HS3ST5: variants seen among roughly 807,000 people sequenced by gnomAD.
The protein encoded by HS3ST5 is heparan sulfate-glucosamine 3-sulfotransferase 5.
Under a neutral mutation model 25.4 loss-of-function variants are expected in HS3ST5, and 10 were observed. The ratio of observed to expected loss-of-function variants is 0.39; its 90% CI spans 0.24 to 0.67. HS3ST5 has a LOEUF of 0.67. Among genes scored for constraint, HS3ST5 ranks in the 30% least tolerant of loss-of-function variants. The probability of loss-of-function intolerance (pLI) is 0.44; values close to 1 mark genes in which losing one functional copy is unlikely to be tolerated. For missense variants in HS3ST5, 324 were observed against 420.7 expected, an observed-to-expected ratio of 0.77 and a Z score of 2.01; for synonymous variants, 170 against 162.4, an observed-to-expected ratio of 1.05 and a Z score of -0.36.
At chr6:114,107,549 A>G (rs1776053826) in intron 3 of HS3ST5, among the ~76,000 whole-genome samples, 1 of 152,236 alleles carries the variant, frequency 6.6e-6, no homozygotes, top group South Asian at 2.1e-4. Flanking sequence ...GGCAAGAAAA[A>G]GAAAAGACAG....
chr6:114,258,443 CA>C (rs1294477705), intron 1 of HS3ST5, among the ~76,000 whole-genome samples: 1 of 152,194 alleles, frequency 6.6e-6, no homozygotes, highest in East Asian at 1.9e-4. Flanking sequence ...AGCATAGTGA[CA>C]AACACTAGCA....
intron 1 of HS3ST5, among the ~76,000 whole-genome samples, chr6:114,270,216 C>A (rs143414656): frequency 2.2e-3 from 335 of 152,172 alleles, no homozygotes; most frequent in Non-Finnish European, 3.1e-3. Flanking sequence ...AGGCAGACTG[C>A]CAATTTTGCT....
At chr6:114,308,728 C>T (rs1775407084) in intron 1 of HS3ST5, among the ~76,000 whole-genome samples, 2 of 152,150 alleles carry the variant, frequency 1.3e-5, no homozygotes, top group Non-Finnish European at 2.9e-5. Context: ...CCCCAGCACC[C>T]AGTCCCAGGA....
Position 114,229,981 on chromosome 6 carries a change from G to A in HS3ST5, c.-338-1203C>T, listed in dbSNP as rs541578405. 2.6e-5 allele frequency among the ~76,000 whole-genome samples: 4 copies of A among 152,252 alleles called. No homozygotes were observed. In the South Asian group the frequency reaches 8.3e-4, roughly 32 times the overall value. On this transcript the variant is annotated intron_variant, in intron 1 of 4. Transcript: ENST00000312719. ...CTTGCTGATAGAGGCATTTCTGGTT[G>A]ACAAAATGTACAAAAAATGTGTTAA...
At position 114,331,651 on chromosome 6, in the gene HS3ST5, A is replaced by C. The variant is rs1021617384; in HGVS notation, c.-339+10544T>G. Among the ~76,000 whole-genome samples, 4 of 152,120 alleles carry C rather than the reference A, an allele frequency of 2.6e-5. 1 individual carries two copies. The highest frequency in any genetic ancestry group is 2.6e-4 in the Admixed American group (4 of 15,270). ...ATTTTTGAAACTAATTTCTTATTTTACTTGCATATATAATTACTTACCAGG... is the reference window on the plus strand; with the variant it reads ...ATTTTTGAAACTAATTTCTTATTTTCCTTGCATATATAATTACTTACCAGG... On this transcript the variant is annotated intron_variant, in intron 1 of 4. Transcript: ENST00000312719.
intron 1 of HS3ST5, among the ~76,000 whole-genome samples, chr6:114,329,236 C>G (rs1420607973): frequency 1.3e-5 from 2 of 152,134 alleles, no homozygotes; most frequent in African/African-American, 2.4e-5. Flanking sequence ...TAACCTTTTT[C>G]ACTGATATTC....
intron 3 of HS3ST5, among the ~76,000 whole-genome samples, chr6:114,147,152 G>C (rs894900939): frequency 8.5e-5 from 13 of 152,188 alleles, no homozygotes; most frequent in African/African-American, 3.1e-4. Context: ...CAGCACAAAA[G>C]AGCTATCTCA....
At chr6:114,184,551 A>G in intron 2 of HS3ST5, among the ~76,000 whole-genome samples, 1 of 152,232 alleles carries the variant, frequency 6.6e-6, no homozygotes, top group East Asian at 1.9e-4. Context: ...GTGACCATAG[A>G]GATTTTTCAC....
At chr6:114,184,246 A>C (rs947908392) in intron 2 of HS3ST5, among the ~76,000 whole-genome samples, 2 of 152,010 alleles carry the variant, frequency 1.3e-5, no homozygotes, top group African/African-American at 4.8e-5. Flanking sequence ...CTGACTGCTT[A>C]TAGTAAAATG....
chr6:114,169,103 T>C (rs1459276132), intron 2 of HS3ST5, among the ~76,000 whole-genome samples: 1 of 152,128 alleles, frequency 6.6e-6, no homozygotes, highest in Non-Finnish European at 1.5e-5. Flanking sequence ...TTTTTAAAAG[T>C]AATATTTAAT....
intron 2 of HS3ST5, among the ~76,000 whole-genome samples, chr6:114,175,542 C>T (rs1488884527): frequency 6.6e-6 from 1 of 152,074 alleles, no homozygotes; most frequent in East Asian, 1.9e-4. Context: ...AAAATAACAG[C>T]ATGACATAAC....
At chr6:114,237,005 T>C (rs781135213) in intron 1 of HS3ST5, among the ~76,000 whole-genome samples, 5 of 152,240 alleles carry the variant, frequency 3.3e-5, no homozygotes, top group Non-Finnish European at 4.4e-5. Flanking sequence ...TACCCATACT[T>C]TTTATGATGA....
intron 1 of HS3ST5, among the ~76,000 whole-genome samples, chr6:114,261,599 A>G (rs1773175242): frequency 6.6e-6 from 1 of 152,210 alleles, no homozygotes; most frequent in African/African-American, 2.4e-5. Context: ...TAATTTGTAT[A>G]CTACAAACAC....
chr6:114,296,705 A>G (rs1212131160), intron 1 of HS3ST5, among the ~76,000 whole-genome samples: 2 of 152,220 alleles, frequency 1.3e-5, no homozygotes, highest in African/African-American at 4.8e-5. Context: ...AACAGCAGGA[A>G]TTTGTGAGCT....
chr6:114,293,375 A>G (rs951084169), intron 1 of HS3ST5, among the ~76,000 whole-genome samples: 1 of 152,226 alleles, frequency 6.6e-6, no homozygotes, highest in African/African-American at 2.4e-5. Context: ...TAAAAAGTCT[A>G]TGGACTAAAC....
chr6:114,199,979 T>TA (rs1013231955), intron 2 of HS3ST5, among the ~76,000 whole-genome samples: 2 of 152,068 alleles, frequency 1.3e-5, no homozygotes, highest in Non-Finnish European at 2.9e-5. Context: ...TTTGGGAGGC[T>TA]AAGGGGGTGG....
rs199997653 is a variant in HS3ST5, at chr6:114,062,772, A to G, written c.74T>C (p.Leu25Pro). 1.2e-6 allele frequency: 2 copies of G among 1,614,092 alleles called. No homozygotes were observed. The highest frequency in any genetic ancestry group is 1.7e-6 in the Non-Finnish European group (2 of 1,179,942). Residue 25 changes from leucine to proline, a missense_variant, in exon 4 of 5, where the codon CTG becomes CCG. Coordinates refer to ENST00000312719, the MANE Select transcript of HS3ST5 (RefSeq NM_153612.4). ...VLGSLAVGSL[L>P]YLVARVGSLD... Reference sequence around the variant, plus strand: ...GCTCCCAACTCTGGCGACTAGATACAGGAGACTCCCAACGGCAAGGCTTCC... The same window carrying G: ...GCTCCCAACTCTGGCGACTAGATACGGGAGACTCCCAACGGCAAGGCTTCC...
chr6:114,325,221 C>G (rs552098999), intron 1 of HS3ST5, among the ~76,000 whole-genome samples: 1 of 152,078 alleles, frequency 6.6e-6, no homozygotes, highest in Non-Finnish European at 1.5e-5. Flanking sequence ...GACCAAGACT[C>G]CATCAACTTG....
chr6:114,243,023 AG>A (rs1772212043), intron 1 of HS3ST5, among the ~76,000 whole-genome samples: 1 of 152,216 alleles, frequency 6.6e-6, no homozygotes, highest in Admixed American at 6.5e-5. Flanking sequence ...CACTATTGTG[AG>A]AACCTCTCTG....
Sources: allele counts gnomAD v4.1 joint callset (sites outside exome capture counted in the v4.1 genomes callset), GRCh38; gene constraint gnomAD v4.1.1; transcripts MANE v1.5; gene names NCBI Gene and HGNC (gene_info 2026-07-23, HGNC 2026-07-21).